The following ZNF599 variants were observed in gnomAD, a reference collection of about 807,000 sequenced individuals.
The protein encoded by ZNF599 is zinc finger protein 599.
Under a neutral mutation model 11.7 loss-of-function variants are expected in ZNF599, and 10 were observed. That is an observed-to-expected ratio of 0.86 (90% CI 0.53 to 1.45). ZNF599 has a LOEUF of 1.45. Among genes scored for constraint, ZNF599 ranks in the 40% most tolerant of loss-of-function variants. The probability of loss-of-function intolerance (pLI) is 0.00; values close to 1 mark genes in which losing one functional copy is unlikely to be tolerated. For missense variants in ZNF599, 688 were observed against 713.6 expected (o/e 0.96, Z 0.41); for synonymous variants, 232 against 253.2 (o/e 0.92, Z 0.79).
At position 34,772,977 on chromosome 19, in the gene ZNF599, C is replaced by CG. The variant is rs1165220067; in HGVS notation, c.-137dup. On this transcript the variant is annotated 5_prime_UTR_variant, in exon 1 of 4. It removes the in-frame stop codon of an upstream open reading frame in the 5' UTR. Coordinates refer to ENST00000329285, the MANE Select transcript of ZNF599 (RefSeq NM_001007248.3). ...TCGTGTAAAATGCACACAAGGTTCG[C>CG]GGCGCCGCCTCTGCGCGCCGTGAGG... 3.6e-6 allele frequency: 4 copies of CG among 1,100,452 alleles called. No homozygotes were observed. Among genetic ancestry groups the CG allele is most frequent in the Non-Finnish European group, 4.9e-6 (4 of 816,464 alleles). The allele number at this position is 1,100,452 out of a possible 1,614,324, so 68.2% of individuals were successfully genotyped here.
chr19:34,780,439 G>A, the ZNF599 span, among the ~76,000 whole-genome samples: 291 of 152,078 alleles, frequency 1.9e-3, 4 homozygotes, highest in Non-Finnish European at 3.0e-3. Context: ...AGCCCAAGAG[G>A]TTGAGGCTGC....
intron 2 of ZNF599, among the ~76,000 whole-genome samples, chr19:34,768,792 A>G (rs2069162119): frequency 6.6e-6 from 1 of 152,224 alleles, no homozygotes; most frequent in Non-Finnish European, 1.5e-5. Flanking sequence ...ATTCAGCCCT[A>G]AGCCAACACT....
the ZNF599 span, among the ~76,000 whole-genome samples, chr19:34,784,500 G>T: frequency 6.6e-6 from 1 of 152,138 alleles, no homozygotes; most frequent in Admixed American, 6.5e-5. Context: ...CAAGGGCAGC[G>T]CCCAGTTCCG....
At chr19:34,801,914 C>A in the ZNF599 span, among the ~76,000 whole-genome samples, 1 of 152,194 alleles carries the variant, frequency 6.6e-6, no homozygotes, top group Non-Finnish European at 1.5e-5. Context: ...ACAGTTTCTT[C>A]CTGGGATATT....
the ZNF599 span, among the ~76,000 whole-genome samples, chr19:34,782,253 G>T: frequency 4.3e-4 from 65 of 152,324 alleles, no homozygotes; most frequent in African/African-American, 1.4e-3. Flanking sequence ...GCCAGCATTT[G>T]TTCAGAGGAA....
intron 3 of ZNF599, chr19:34,763,572 T>C (rs981745538): frequency 6.6e-6 from 1 of 152,226 alleles, no homozygotes; most frequent in Non-Finnish European, 1.5e-5. Flanking sequence ...AGACAGCCCT[T>C]ATCAGAACCC....
At position 34,767,491 on chromosome 19, in the gene ZNF599, A is replaced by G. The variant is rs564589247; in HGVS notation, c.146-80T>C. The G allele has an allele frequency of 2.3e-4, 247 of 1,072,164 alleles. 1 individual carries two copies. In the African/African-American group the frequency reaches 3.5e-3, roughly 15 times the overall value. 66.4% of individuals were successfully genotyped at this position (1,072,164 alleles called of 1,614,324 possible). A position where few individuals can be genotyped will look rare whatever the true frequency, so the allele number is the denominator to read the frequency against. On this transcript the variant is annotated intron_variant, in intron 2 of 3. Transcript: ENST00000329285. Reference sequence around the variant, plus strand: ...GTCTGAGGTGTAAAGGAGTACATATATTTAACATACTGCAATGAAACCCCA... The same window carrying G: ...GTCTGAGGTGTAAAGGAGTACATATGTTTAACATACTGCAATGAAACCCCA...
upstream of ZNF599, among the ~76,000 whole-genome samples, chr19:34,778,086 C>T (rs573383699): frequency 6.6e-6 from 1 of 152,082 alleles, no homozygotes; most frequent in South Asian, 2.1e-4. Flanking sequence ...TATGTTCTAA[C>T]CAACCAAGTT....
the ZNF599 span, among the ~76,000 whole-genome samples, chr19:34,798,323 G>C: frequency 1.3e-5 from 2 of 152,166 alleles, no homozygotes; most frequent in Admixed American, 6.5e-5. Flanking sequence ...CTCAGCGACA[G>C]AGCAAAGAAA....
At chr19:34,807,368 C>T in the ZNF599 span, among the ~76,000 whole-genome samples, 23 of 152,174 alleles carry the variant, frequency 1.5e-4, no homozygotes, top group South Asian at 2.1e-4. Context: ...CCAGAAACTG[C>T]GGTGACTAGG....
At chr19:34,802,574 G>T in the ZNF599 span, among the ~76,000 whole-genome samples, 2 of 152,190 alleles carry the variant, frequency 1.3e-5, no homozygotes, top group Admixed American at 6.5e-5. Context: ...GGTAAGATGT[G>T]CAATACAGAG....
chr19:34,797,064 T>C, the ZNF599 span, among the ~76,000 whole-genome samples: 1 of 151,202 alleles, frequency 6.6e-6, no homozygotes, highest in African/African-American at 2.4e-5. Context: ...ACATGCAGTG[T>C]TTGGTTTTTT....
chr19:34,791,754 A>G, the ZNF599 span: 1 of 152,168 alleles, frequency 6.6e-6, no homozygotes, highest in Non-Finnish European at 1.5e-5. Context: ...CCCCTTCCCA[A>G]AAAGAGGTCC....
At chr19:34,804,656 C>G in the ZNF599 span, among the ~76,000 whole-genome samples, 1 of 152,188 alleles carries the variant, frequency 6.6e-6, no homozygotes, top group Non-Finnish European at 1.5e-5. Flanking sequence ...TCTGAAATAT[C>G]TCACTCTTCA....
At position 34,760,340 on chromosome 19, in the gene ZNF599, T is replaced by C. The variant is rs766975257; in HGVS notation, c.461A>G (p.His154Arg). 7.4e-6 allele frequency: 12 copies of C among 1,614,098 alleles called. No homozygotes were observed. The highest frequency in any genetic ancestry group is 5.3e-5 in the African/African-American group (4 of 74,946). The change falls in exon 4 of 4, where the codon CAT (histidine) becomes CGT (arginine). Residue 154 changes from histidine (H) to arginine (R), a missense_variant. Transcript: ENST00000329285. ...ACTATCATCTGGCTCCAAATCATCATGTTTATAACTCAACTTCTCAGGGCA... is the reference window on the plus strand; with the variant it reads ...ACTATCATCTGGCTCCAAATCATCACGTTTATAACTCAACTTCTCAGGGCA... ...EICPEKLSYKHDDLEPDDSLG... is the reference protein window; with the variant it reads ...EICPEKLSYKRDDLEPDDSLG...
At chr19:34,765,441 T>A (rs1221283099) in intron 3 of ZNF599, 4 of 644,832 alleles carry the variant, frequency 6.2e-6, no homozygotes, top group Non-Finnish European at 1.1e-5. Flanking sequence ...AGGACCCAGC[T>A]AAGCTGTGCC....
chr19:34,763,491 G>A (rs567832895), intron 3 of ZNF599: 1 of 151,790 alleles, frequency 6.6e-6, no homozygotes, highest in African/African-American at 2.4e-5. Flanking sequence ...TAAACTTCTT[G>A]TAAGAAGTGA....
chr19:34,765,577 T>C, intron 3 of ZNF599: 1 of 703,014 alleles, frequency 1.4e-6, no homozygotes, highest in South Asian at 1.5e-5. Flanking sequence ...AAGTGTAATC[T>C]AGATTCTGCT....
upstream of ZNF599, among the ~76,000 whole-genome samples, chr19:34,777,235 A>AT (rs567890475): frequency 5.2e-3 from 688 of 133,422 alleles, 2 homozygotes; most frequent in Non-Finnish European, 6.3e-3. Context: ...CTGGATATTT[A>AT]AATATATATT....
Sources: gnomAD v4.1 joint callset for allele counts (sites outside exome capture counted in the v4.1 genomes callset) on GRCh38, gnomAD v4.1.1 for gene constraint, MANE v1.5 for transcripts, NCBI Gene and HGNC (gene_info 2026-07-23, HGNC 2026-07-21) for gene names.